MCM5: variants seen among roughly 807,000 people sequenced by gnomAD.
The protein encoded by MCM5 is minichromosome maintenance complex component 5.
MCM5 carries 46 observed loss-of-function variants against 79.9 expected under a neutral mutation model. That is an observed-to-expected ratio of 0.58 (90% CI 0.45 to 0.74). The LOEUF (loss-of-function observed/expected upper bound fraction) is 0.74, where lower values mean the gene tolerates loss of function less well. Ranked by LOEUF, MCM5 falls within the 30% of genes least tolerant of loss-of-function variation. The probability of loss-of-function intolerance (pLI) is 0.00; values close to 1 mark genes in which losing one functional copy is unlikely to be tolerated. For synonymous variants in MCM5, 404 were observed against 390.5 expected (o/e 1.03, Z -0.41); for missense variants, 883 against 1,017.0 (o/e 0.87, Z 1.79).
At chr22:35,428,970 C>CTTTTTTTTT (rs35549972), downstream of MCM5, among the ~76,000 whole-genome samples, 7 of 65,528 alleles carry the variant, frequency 1.1e-4, no homozygotes, top group Admixed American at 2.2e-4. Flanking sequence ...TTTCTTTGAC[C>CTTTTTTTTT]TTTTTTTTTT....
chr22:35,433,083 C>T, the MCM5 span, among the ~76,000 whole-genome samples: 82 of 152,204 alleles, frequency 5.4e-4, no homozygotes, highest in African/African-American at 2.0e-3. Context: ...TACAGGCATG[C>T]ACCACCATGT....
At chr22:35,435,635 T>C in the MCM5 span, among the ~76,000 whole-genome samples, 24 of 152,188 alleles carry the variant, frequency 1.6e-4, no homozygotes, top group African/African-American at 5.3e-4. Context: ...GCTTGTCGCC[T>C]GAAGCCTTGG....
intron 14 of MCM5, 63 bp from the exon 15 acceptor site, chr22:35,421,255 G>T (rs758322063): frequency 1.2e-5 from 18 of 1,550,096 alleles, no homozygotes; most frequent in Admixed American, 7.3e-5. Flanking sequence ...CTGGTAACGG[G>T]CTGGCTGGGG....
the MCM5 span, among the ~76,000 whole-genome samples, chr22:35,451,454 A>G: frequency 6.6e-6 from 1 of 152,156 alleles, no homozygotes; most frequent in Admixed American, 6.5e-5. Context: ...CCCCAGCCTA[A>G]CCTCAGCCGG....
chr22:35,421,569 C>CT (rs1601763503), intron 15 of MCM5, 109 bp downstream of exon 15: 1 of 1,440,112 alleles, frequency 6.9e-7, no homozygotes, highest in Non-Finnish European at 9.7e-7. Flanking sequence ...TCTTGCTTCT[C>CT]TGAGTTTGCT....
Position 35,412,689 on chromosome 22 carries a change from C to G in MCM5, c.1091+8C>G. ...TGGGGGCTCCCGAAAGAGGTAGGGG[C>G]TTGAGTTCCCTTGGGTTTGGGGAGG... On this transcript the variant is annotated splice_region_variant and intron_variant, in intron 8 of 16. Coordinates refer to ENST00000216122, the MANE Select transcript of MCM5 (RefSeq NM_006739.4). 6.9e-7 allele frequency: 1 copy of G among 1,447,120 alleles called. No homozygotes were observed. The highest frequency in any genetic ancestry group is 1.5e-5 in the South Asian group (1 of 67,770). 89.6% of individuals were successfully genotyped at this position (1,447,120 alleles called of 1,614,324 possible).
intron 4 of MCM5, among the ~76,000 whole-genome samples, chr22:35,406,299 T>G (rs2071736): frequency 1.6e-5 from 2 of 128,560 alleles, no homozygotes; most frequent in African/African-American, 5.9e-5. Context: ...CCCTGCCACC[T>G]CCCCCCCCAA....
Position 35,423,186 on chromosome 22 carries a change from C to T in MCM5, c.1976-28C>T, listed in dbSNP as rs555453218. The T allele has an allele frequency of 2.6e-5, 40 of 1,533,422 alleles. No individual in the cohort carries two copies. The South Asian group carries it at 3.4e-4, about 13-fold the overall frequency. 95.0% of individuals were successfully genotyped at this position (1,533,422 alleles called of 1,614,324 possible). A position where few individuals can be genotyped will look rare whatever the true frequency, so the allele number is the denominator to read the frequency against. On this transcript the variant is annotated intron_variant, in intron 15 of 16. Coordinates refer to ENST00000216122, the MANE Select transcript of MCM5 (RefSeq NM_006739.4). Reference sequence around the variant, plus strand: ...AAGAACTCCCATTGTCCCAGCTCCCCGGCTGCCTCACTTCTCCATGCCCAC... The same window carrying T: ...AAGAACTCCCATTGTCCCAGCTCCCTGGCTGCCTCACTTCTCCATGCCCAC...
chr22:35,453,338 A>G, the MCM5 span, among the ~76,000 whole-genome samples: 1 of 143,732 alleles, frequency 7.0e-6, no homozygotes, highest in Admixed American at 6.8e-5. Context: ...GACAGAGACA[A>G]CGGGGCTGAG....
rs763310872 is a variant in MCM5, at chr22:35,415,960, C to T, written c.1335C>T (p.Asp445=). The change falls in exon 10 of 17, where the codon GAC becomes GAT. Residue 445 remains aspartate (D), a synonymous_variant. Transcript: ENST00000216122. ...VLADGGVVCI[D]EFDKMREDDR... ...CCGATGGTGGGGTCGTCTGTATTGA[C>T]GAGTTTGACAAGGTGAGTCTGATGA... 1.3e-5 allele frequency: 21 copies of T among 1,613,484 alleles called. No individual in the cohort carries two copies. The highest frequency in any genetic ancestry group is 1.1e-4 in the South Asian group (10 of 91,078).
At chr22:35,402,097 C>A (rs1276936982) in intron 2 of MCM5, among the ~76,000 whole-genome samples, 1 of 152,178 alleles carries the variant, frequency 6.6e-6, no homozygotes, top group East Asian at 1.9e-4. Flanking sequence ...ACAGCAGTCA[C>A]ATGGGATGCT....
chr22:35,443,210 G>C, the MCM5 span, among the ~76,000 whole-genome samples: 4 of 152,132 alleles, frequency 2.6e-5, no homozygotes, highest in African/African-American at 9.7e-5. Context: ...TTTTTTACAT[G>C]GAATCTCGAT....
rs1005374395 is a variant in MCM5 at position 35,412,474 on chromosome 22, C to T, written c.920-36C>T. The T allele has an allele frequency of 2.0e-6, 3 of 1,485,884 alleles. No individual in the cohort carries two copies. The African/African-American group carries it at 4.3e-5, about 21-fold the overall frequency. The allele number at this position is 1,485,884 out of a possible 1,614,324, so 92.0% of individuals were successfully genotyped here. On this transcript the variant is annotated intron_variant, in intron 7 of 16. Transcript: ENST00000216122. ...ATGGGCAGTGGGCTGGAAGAGCTCCCTTGTACTCACTCATGCGCCTGCTTT... is the reference window on the plus strand; with the variant it reads ...ATGGGCAGTGGGCTGGAAGAGCTCCTTTGTACTCACTCATGCGCCTGCTTT...
At chr22:35,432,701 CTGTG>C in the MCM5 span, among the ~76,000 whole-genome samples, 3 of 151,798 alleles carry the variant, frequency 2.0e-5, no homozygotes, top group African/African-American at 7.2e-5. Context: ...TCATCTGGCT[CTGTG>C]TGTGTGTGTG....
downstream of MCM5, among the ~76,000 whole-genome samples, chr22:35,428,970 CTTTT>C (rs35549972): frequency 6.1e-5 from 4 of 65,516 alleles, no homozygotes; most frequent in African/African-American, 1.3e-4. Flanking sequence ...TTTCTTTGAC[CTTTT>C]TTTTTTTTTT....
At chr22:35,423,398 G>A in intron 16 of MCM5, 57 bp downstream of exon 16, 2 of 1,527,048 alleles carry the variant, frequency 1.3e-6, no homozygotes, top group Non-Finnish European at 1.8e-6. Context: ...TCTTCTGCTG[G>A]TTCCCACCCA....
chr22:35,448,415 C>T, the MCM5 span, among the ~76,000 whole-genome samples: 2 of 152,060 alleles, frequency 1.3e-5, no homozygotes, highest in Non-Finnish European at 2.9e-5. Context: ...TCCCTCCCCT[C>T]TTCCAGCAGC....
chr22:35,435,349 AGGGCCGCGGTG>A, the MCM5 span, among the ~76,000 whole-genome samples: 12 of 152,020 alleles, frequency 7.9e-5, no homozygotes, highest in Admixed American at 7.9e-4. Context: ...GCTGTCTCTC[AGGGCCGCGGTG>A]GGGCCTCGAT....
chr22:35,447,265 C>T, the MCM5 span, among the ~76,000 whole-genome samples: 1 of 152,106 alleles, frequency 6.6e-6, no homozygotes, highest in African/African-American at 2.4e-5. Context: ...TCTCTGCGCT[C>T]CTTCCCCGAC....
Sources: allele counts gnomAD v4.1 joint callset (sites outside exome capture counted in the v4.1 genomes callset), GRCh38; gene constraint gnomAD v4.1.1; transcripts MANE v1.5; gene names NCBI Gene and HGNC (gene_info 2026-07-23, HGNC 2026-07-21).